Variants in ATP7B observed in about 807,000 individuals in gnomAD.
ATP7B encodes ATPase copper transporting beta, also known as copper-transporting ATPase 2.
Under a neutral mutation model 118.9 loss-of-function variants are expected in ATP7B, and 113 were observed. The ratio of observed to expected loss-of-function variants is 0.95; its 90% CI spans 0.82 to 1.11. ATP7B has a LOEUF of 1.11. ATP7B is among the 50% of genes most tolerant of loss of function. The probability of loss-of-function intolerance (pLI) is 0.00; values close to 1 mark genes in which losing one functional copy is unlikely to be tolerated. For synonymous variants in ATP7B, 777 were observed against 727.4 expected (o/e 1.07, Z -1.10); for missense variants, 1,867 against 1,871.4 (o/e 1.00, Z 0.04).
At chr13:51,954,413 C>A (rs1958207528) in intron 9 of ATP7B, among the ~76,000 whole-genome samples, 1 of 152,240 alleles carries the variant, frequency 6.6e-6, no homozygotes, top group Non-Finnish European at 1.5e-5. Context: ...TCAGAAAGCA[C>A]TGTAATATGA....
intron 5 of ATP7B, among the ~76,000 whole-genome samples, chr13:51,962,165 T>A (rs1958793927): frequency 6.6e-6 from 1 of 152,186 alleles, no homozygotes; most frequent in African/African-American, 2.4e-5. Flanking sequence ...TAATTTAAAC[T>A]CAGCATTTTT....
At chr13:51,961,975 T>C in intron 5 of ATP7B, 62 bp from the exon 6 acceptor site, 1 of 1,338,696 alleles carries the variant, frequency 7.5e-7, no homozygotes, top group Non-Finnish European at 1.1e-6. Context: ...AAATATGCAT[T>C]GGCAGAAAGC....
At chr13:51,990,614 G>C (rs1217866054) in intron 1 of ATP7B, among the ~76,000 whole-genome samples, 1 of 152,196 alleles carries the variant, frequency 6.6e-6, no homozygotes. Flanking sequence ...CTAAATTCAA[G>C]AATCCACTTC....
At chr13:52,011,627 C>T (rs1954041932), upstream of ATP7B, 1 of 554,578 alleles carries the variant, frequency 1.8e-6, no homozygotes, top group Non-Finnish European at 3.3e-6. Context: ...CGGACCCTCG[C>T]CCACTCCCCA....
intron 1 of ATP7B, among the ~76,000 whole-genome samples, chr13:51,984,684 A>G (rs1952569953): frequency 1.3e-5 from 2 of 152,250 alleles, no homozygotes; most frequent in Admixed American, 1.3e-4. Flanking sequence ...GGTTACCCAC[A>G]AAGGGAAGCT....
Position 51,934,635 on chromosome 13 carries a change from A to T in ATP7B, c.*121T>A. 1 of 1,478,768 alleles carries T rather than the reference A, an allele frequency of 6.8e-7. No individual in the cohort carries two copies. Among genetic ancestry groups the T allele is most frequent in the Non-Finnish European group, 9.2e-7 (1 of 1,082,222 alleles). The allele number at this position is 1,478,768 out of a possible 1,614,324, so 91.6% of individuals were successfully genotyped here. A position where few individuals can be genotyped will look rare whatever the true frequency, so the allele number is the denominator to read the frequency against. On this transcript the variant is annotated 3_prime_UTR_variant, in exon 21 of 21. Transcript: ENST00000242839. ...GCTGCAGGGCAGGATGACTGGACAT[A>T]TCCAGGGAGCGGAAGTCCCCAAAGC...
chr13:51,967,880 C>G (rs747847304), intron 4 of ATP7B, among the ~76,000 whole-genome samples: 1 of 152,172 alleles, frequency 6.6e-6, no homozygotes, highest in African/African-American at 2.4e-5. Flanking sequence ...TGTGTTGGCA[C>G]GTAGACAGAT....
At chr13:51,998,558 CCT>C (rs1953331327) in intron 1 of ATP7B, among the ~76,000 whole-genome samples, 1 of 152,130 alleles carries the variant, frequency 6.6e-6, no homozygotes, top group African/African-American at 2.4e-5. Flanking sequence ...TCTATCAGTC[CCT>C]CACATATTTC....
chr13:51,938,085 G>A (rs1164496161), intron 17 of ATP7B, among the ~76,000 whole-genome samples: 1 of 152,142 alleles, frequency 6.6e-6, no homozygotes, highest in Non-Finnish European at 1.5e-5. Flanking sequence ...TGCTTCCGAG[G>A]GTCCCAGAGT....
At chr13:51,986,649 C>T (rs552820876) in intron 1 of ATP7B, among the ~76,000 whole-genome samples, 11 of 152,246 alleles carry the variant, frequency 7.2e-5, no homozygotes, top group South Asian at 2.1e-4. Flanking sequence ...TGATGAACAT[C>T]GATGCAAAAA....
At chr13:51,986,796 A>G (rs1353666908) in intron 1 of ATP7B, among the ~76,000 whole-genome samples, 1 of 152,208 alleles carries the variant, frequency 6.6e-6, no homozygotes, top group Non-Finnish European at 1.5e-5. Context: ...TCCATCACAT[A>G]AACAGAACCA....
chr13:52,011,258 CT>C (rs1355490314), intron 1 of ATP7B, 28 bp downstream of exon 1: 2 of 1,614,182 alleles, frequency 1.2e-6, no homozygotes, highest in African/African-American at 2.7e-5. Flanking sequence ...AGTGAGCACG[CT>C]GCGCGGACGC....
In ATP7B at chr13:51,950,621, C is replaced by T. The variant is rs559047379; in HGVS notation, c.2448-222G>A. ...GAATGGCACAGCAAAGGCCCTACTA[C>T]CTCATGAAGACAAGTTCTGTGGTAG... is the stretch of plus-strand genomic sequence containing the variant. On this transcript the variant is annotated intron_variant, in intron 9 of 20. Coordinates refer to ENST00000242839, the MANE Select transcript of ATP7B (RefSeq NM_000053.4). Among the ~76,000 whole-genome samples, 3 of 152,222 alleles carry T rather than the reference C, an allele frequency of 2.0e-5. No homozygotes were observed. The South Asian group carries it at 6.2e-4, about 32-fold the overall frequency.
chr13:52,011,624 T>C (rs997155765), upstream of ATP7B: 5 of 554,116 alleles, frequency 9.0e-6, no homozygotes, highest in African/African-American at 5.7e-5. Context: ...CCTCGGACCC[T>C]CGCCCACTCC....
intron 9 of ATP7B, 129 bp from the exon 10 acceptor site, chr13:51,950,528 AT>A: frequency 3.7e-6 from 5 of 1,356,938 alleles, no homozygotes; most frequent in Non-Finnish European, 4.1e-6. Context: ...TGATCTGTTC[AT>A]TTACAGATAT....
At position 51,973,974 on chromosome 13, in the gene ATP7B, C is replaced by G; in HGVS notation, c.1246G>C (p.Ala416Pro). The G allele has an allele frequency of 2.5e-6, 4 of 1,614,252 alleles. No individual in the cohort carries two copies. Among genetic ancestry groups the G allele is most frequent in the Non-Finnish European group, 3.4e-6 (4 of 1,180,042 alleles). Residue 416 changes from alanine to proline, a missense_variant, in exon 2 of 21, where the codon GCT becomes CCT. By Grantham distance (27) the Ala-to-Pro change is conservative. Coordinates refer to ENST00000242839, the MANE Select transcript of ATP7B (RefSeq NM_000053.4). ...GCCTCAAATCCCATGTCTTCTATAG[C>G]AGCTCTGAGTTCTTCTGGGCTAATT... ...SVISPEELRA[A>P]IEDMGFEASV...
intron 1 of ATP7B, among the ~76,000 whole-genome samples, chr13:52,006,585 G>C (rs553519840): frequency 6.6e-6 from 1 of 152,146 alleles, no homozygotes; most frequent in Non-Finnish European, 1.5e-5. Flanking sequence ...CTGGTCTCCC[G>C]CAGCTCCCTG....
upstream of ATP7B, chr13:52,011,895 G>A (rs2140786926): frequency 3.7e-6 from 1 of 266,754 alleles, no homozygotes; most frequent in South Asian, 3.9e-5. Context: ...CACCGCCTGC[G>A]GGGAAGGTGC....
chr13:51,970,723 T>C lies in ATP7B; in HGVS notation c.1312A>G (p.Asn438Asp), dbSNP rs1169103358. The C allele has an allele frequency of 1.9e-6, 3 of 1,613,962 alleles. No individual in the cohort carries two copies. Among genetic ancestry groups the C allele is most frequent in the African/African-American group, 1.3e-5 (1 of 74,926 alleles). Residue 438 changes from asparagine (N) to aspartate (D), a missense_variant, in exon 3 of 21, where the codon AAC becomes GAC. By Grantham distance (23) the Asn-to-Asp change is conservative (BLOSUM62 1). Coordinates refer to ENST00000242839, the MANE Select transcript of ATP7B (RefSeq NM_000053.4). ...SESCSTNPLG[N>D]HSAGNSMVQT... is the part of the protein sequence containing the mutation. ...ACCATGGAATTCCCAGCACTGTGGT[T>C]TCCAAGAGGGTTAGTAGAACAGCTT...
Sources: gnomAD v4.1 joint callset for allele counts (sites outside exome capture counted in the v4.1 genomes callset) on GRCh38, gnomAD v4.1.1 for gene constraint, MANE v1.5 for transcripts, NCBI Gene and HGNC (gene_info 2026-07-23, HGNC 2026-07-21) for gene names.